NGEF: variants seen among roughly 807,000 people sequenced by gnomAD.
NGEF encodes the protein neuronal guanine nucleotide exchange factor.
A neutral mutation model predicts 80.9 loss-of-function variants in NGEF; 31 were observed. That is an observed-to-expected ratio of 0.38 (90% CI 0.29 to 0.52). The LOEUF (loss-of-function observed/expected upper bound fraction) is 0.52, where lower values mean the gene tolerates loss of function less well. Ranked by LOEUF, NGEF falls within the 20% of genes least tolerant of loss-of-function variation. The probability of loss-of-function intolerance (pLI) is 0.84; values close to 1 mark genes in which losing one functional copy is unlikely to be tolerated. For missense variants in NGEF, 709 were observed against 926.2 expected (o/e 0.77, Z 3.04); for synonymous variants, 371 against 370.2 (o/e 1.00, Z -0.03).
chr2:232,937,018 G>C (rs1402537111), intron 3 of NGEF, among the ~76,000 whole-genome samples: 1 of 152,150 alleles, frequency 6.6e-6, no homozygotes, highest in Non-Finnish European at 1.5e-5. Context: ...AGCCCAGGCT[G>C]GAGTGCAATG....
At chr2:232,925,691 G>A (rs1246337746) in intron 4 of NGEF, among the ~76,000 whole-genome samples, 2 of 152,198 alleles carry the variant, frequency 1.3e-5, no homozygotes, top group Non-Finnish European at 2.9e-5. Flanking sequence ...AGCCAAAGAG[G>A]AGCCCTTTCA....
At chr2:233,007,371 T>C (rs1695106700) in intron 1 of NGEF, among the ~76,000 whole-genome samples, 2 of 152,230 alleles carry the variant, frequency 1.3e-5, no homozygotes, top group Admixed American at 1.3e-4. Flanking sequence ...CCTAGGTTTC[T>C]AGGAAGAACC....
chr2:232,946,135 C>T (rs1245616404), intron 3 of NGEF, among the ~76,000 whole-genome samples: 2 of 151,614 alleles, frequency 1.3e-5, no homozygotes, highest in Admixed American at 6.6e-5. Context: ...GCATTCGCAG[C>T]TACCTAGATA....
At chr2:232,920,919 G>A (rs1692929424) in intron 4 of NGEF, among the ~76,000 whole-genome samples, 1 of 152,118 alleles carries the variant, frequency 6.6e-6, no homozygotes, top group Non-Finnish European at 1.5e-5. Flanking sequence ...CAAGTTGATG[G>A]GAATGTCCCA....
At chr2:232,885,684 C>T (rs1318578624) in intron 9 of NGEF, 3 of 314,890 alleles carry the variant, frequency 9.5e-6, no homozygotes, top group African/African-American at 2.2e-5. Context: ...GGCAGGGCTC[C>T]GGGCTGTTCT....
At chr2:232,982,059 C>A (rs1330007883) in intron 1 of NGEF, among the ~76,000 whole-genome samples, 1 of 152,148 alleles carries the variant, frequency 6.6e-6, no homozygotes, top group African/African-American at 2.4e-5. Flanking sequence ...AGGCCACAGC[C>A]CTGGGTGACT....
At chr2:232,880,732 G>A (rs771078469) in intron 14 of NGEF, among the ~76,000 whole-genome samples, 11 of 132,992 alleles carry the variant, frequency 8.3e-5, no homozygotes, top group African/African-American at 1.4e-4. Context: ...ATGGGGCACC[G>A]AGCCTGGCAG....
intron 5 of NGEF, among the ~76,000 whole-genome samples, chr2:232,903,132 G>C (rs536154322): frequency 1.3e-5 from 2 of 152,188 alleles, no homozygotes; most frequent in African/African-American, 4.8e-5. Flanking sequence ...GCAATTAGGC[G>C]ATACCCTCTC....
intron 3 of NGEF, among the ~76,000 whole-genome samples, chr2:232,930,482 G>C (rs1308599301): frequency 1.3e-5 from 2 of 152,070 alleles, no homozygotes; most frequent in East Asian, 1.9e-4. Flanking sequence ...ACCACGCCTG[G>C]CTAATTTTTG....
chr2:232,980,794 C>T (rs1327938393), intron 1 of NGEF, among the ~76,000 whole-genome samples: 1 of 152,168 alleles, frequency 6.6e-6, no homozygotes, highest in Non-Finnish European at 1.5e-5. Context: ...TCAGACAGCT[C>T]GCAGAGCATT....
intron 5 of NGEF, among the ~76,000 whole-genome samples, chr2:232,897,418 G>A (rs1364833317): frequency 6.6e-6 from 1 of 152,106 alleles, no homozygotes; most frequent in Non-Finnish European, 1.5e-5. Context: ...GAGAAGTGAA[G>A]TTGCATCCAG....
intron 3 of NGEF, among the ~76,000 whole-genome samples, chr2:232,954,560 C>T (rs1300969051): frequency 2.0e-5 from 3 of 151,810 alleles, no homozygotes; most frequent in Admixed American, 2.0e-4. Context: ...GCCGTCTCTA[C>T]TAAAAATACA....
At chr2:232,903,351 G>C (rs1692410011) in intron 5 of NGEF, among the ~76,000 whole-genome samples, 1 of 152,052 alleles carries the variant, frequency 6.6e-6, no homozygotes, top group South Asian at 2.1e-4. Context: ...CCAGAAAACT[G>C]CAAAAATGAG....
intron 4 of NGEF, among the ~76,000 whole-genome samples, chr2:232,925,106 AT>A (rs541364444): frequency 9.0e-4 from 137 of 152,340 alleles, no homozygotes; most frequent in Middle Eastern, 3.4e-3. Flanking sequence ...TTAAATGGAA[AT>A]AAACTTTACC....
intron 3 of NGEF, among the ~76,000 whole-genome samples, chr2:232,944,753 ATATATATATC>A (rs1447687642): frequency 1.1e-4 from 12 of 112,714 alleles, no homozygotes; most frequent in African/African-American, 4.0e-4. Flanking sequence ...ATATATATAT[ATATATATATC>A]TTTTTGGAGA....
chr2:232,942,744 C>T (rs182129085), intron 3 of NGEF, among the ~76,000 whole-genome samples: 28 of 150,220 alleles, frequency 1.9e-4, no homozygotes, highest in South Asian at 2.1e-4. Flanking sequence ...TGGAGGCGCA[C>T]GCCTGTCATC....
chr2:232,985,960 A>G (rs1694524655), intron 1 of NGEF, among the ~76,000 whole-genome samples: 2 of 151,922 alleles, frequency 1.3e-5, no homozygotes, highest in African/African-American at 2.4e-5. Flanking sequence ...AGAAAAAAGA[A>G]AAAAAAAGAA....
chr2:232,993,176 A>AAT (rs1559238363), intron 1 of NGEF, among the ~76,000 whole-genome samples: 1 of 135,698 alleles, frequency 7.4e-6, no homozygotes, highest in Non-Finnish European at 1.5e-5. Flanking sequence ...TTATATATAT[A>AAT]AATAAATATA....
chr2:232,997,946 C>G (rs865846771), intron 1 of NGEF, among the ~76,000 whole-genome samples: 1 of 152,182 alleles, frequency 6.6e-6, no homozygotes, highest in Non-Finnish European at 1.5e-5. Flanking sequence ...AAGTCCTCAG[C>G]CATATTTGGG....
Sources: gnomAD v4.1 joint callset for allele counts (sites outside exome capture counted in the v4.1 genomes callset) on GRCh38, gnomAD v4.1.1 for gene constraint, MANE v1.5 for transcripts, NCBI Gene and HGNC (gene_info 2026-07-23, HGNC 2026-07-21) for gene names.